The following ADGRB2 variants were observed in gnomAD, a reference collection of about 807,000 sequenced individuals.
The protein encoded by ADGRB2 is brain-specific angiogenesis inhibitor 2.
In ADGRB2, 47 loss-of-function variants were observed where a neutral mutation model predicts 178.7. The observed-to-expected ratio is 0.26, with a 90% confidence interval of 0.21 to 0.34. The LOEUF is 0.34. ADGRB2 is among the 10% of genes least tolerant of loss of function. ADGRB2 has a pLI of 1.00. For missense variants in ADGRB2, 1,584 were observed against 2,180.8 expected (o/e 0.73, Z 5.45); for synonymous variants, 870 against 912.4 (o/e 0.95, Z 0.84).
intron 1 of ADGRB2, among the ~76,000 whole-genome samples, chr1:31,762,968 G>T (rs537894660): frequency 6.6e-6 from 1 of 152,346 alleles, no homozygotes; most frequent in Admixed American, 6.5e-5. Flanking sequence ...ACTTCCCCCG[G>T]CTGTGCCCTC....
At chr1:31,738,961 G>T (rs748183453) in intron 15 of ADGRB2, 24 bp from the exon 16 acceptor site, 27 of 1,571,802 alleles carry the variant, frequency 1.7e-5, no homozygotes, top group Non-Finnish European at 2.3e-5. Flanking sequence ...ACCGAAGTCA[G>T]CTCCTGCCAG....
rs961480079 is a variant in ADGRB2, at chr1:31,743,132, T to C, written c.1088-130A>G. The C allele has an allele frequency of 3.4e-4, 383 of 1,118,700 alleles. 1 individual carries two copies. The highest frequency in any genetic ancestry group is 1.9e-3 in the Middle Eastern group (6 of 3,146). 69.3% of individuals were successfully genotyped at this position (1,118,700 alleles called of 1,614,324 possible). ...GCTCCTCATTGGCTCTGCCCCGGGA[T>C]CTGTTGCCAGGGGGATCTCCCAGGG... On this transcript the variant is annotated intron_variant, in intron 6 of 32. Coordinates refer to ENST00000373658, the MANE Select transcript of ADGRB2 (RefSeq NM_001364857.2).
rs918684780 is a variant in ADGRB2 at position 31,756,379 on chromosome 1, A to C, written c.458T>G (p.Phe153Cys). 1 of 1,613,000 alleles carries C rather than the reference A, an allele frequency of 6.2e-7. No individual in the cohort carries two copies. The highest frequency in any genetic ancestry group is 1.3e-5 in the African/African-American group (1 of 75,062). The stretch of plus-strand genomic sequence containing the variant: ...GCACAGCTGCACGAAGTTCTTGTCG[A>C]AGTGCAGGAAGGTAAAGGGGCCTGA... Reference protein sequence around the residue: ...SGSGPFTFLHFDKNFVQLCLS... With the variant: ...SGSGPFTFLHCDKNFVQLCLS... The change falls in exon 4 of 33, where the codon TTC becomes TGC. Residue 153 changes from phenylalanine (F) to cysteine (C), a missense_variant. Coordinates refer to ENST00000373658, the MANE Select transcript of ADGRB2 (RefSeq NM_001364857.2). This position sits in a 1 kb window ranked among gnomAD's most constrained non-coding sequence, Gnocchi z 8.5.
chr1:31,740,867 T>C lies in ADGRB2; in HGVS notation c.1795-326A>G, dbSNP rs1645905273. 6.8e-6 allele frequency among the ~76,000 whole-genome samples: 1 copy of C among 147,658 alleles called. No homozygotes were observed. The highest frequency in any genetic ancestry group is 2.2e-4 in the South Asian group (1 of 4,506). On this transcript the variant is annotated intron_variant, in intron 11 of 32. Coordinates refer to ENST00000373658, the MANE Select transcript of ADGRB2 (RefSeq NM_001364857.2). This position sits in a 1 kb window ranked among gnomAD's most constrained non-coding sequence, Gnocchi z 5.9. Reference sequence around the variant, plus strand: ...CAAAGGGGTCATGTACATTCTGGAGTGTAATGAGCATGTGTGTGGGCGCGC... The same window carrying C: ...CAAAGGGGTCATGTACATTCTGGAGCGTAATGAGCATGTGTGTGGGCGCGC...
chr1:31,727,839 G>T lies in ADGRB2; in HGVS notation c.4572+186C>A, dbSNP rs1372169453. On this transcript the variant is annotated intron_variant, in intron 32 of 32. Transcript: ENST00000373658. This position sits in a 1 kb window ranked among gnomAD's most constrained non-coding sequence, Gnocchi z 4.4. The stretch of plus-strand genomic sequence containing the variant: ...CTGACCACTCTCCCTCCCAATCCTG[G>T]AGGACCTCCACCCCTGTTCGCCATC... 2.2e-6 allele frequency: 2 copies of T among 915,030 alleles called. No individual in the cohort carries two copies. The highest frequency in any genetic ancestry group is 3.2e-6 in the Non-Finnish European group (2 of 625,852). The allele number at this position is 915,030 out of a possible 1,614,324, so 56.7% of individuals were successfully genotyped here.
In ADGRB2 at chr1:31,754,323, C is replaced by T. The variant is rs769462945; in HGVS notation, c.838+1676G>A. On this transcript the variant is annotated intron_variant, in intron 4 of 32. Coordinates refer to ENST00000373658, the MANE Select transcript of ADGRB2 (RefSeq NM_001364857.2). This position sits in a 1 kb window ranked among gnomAD's most constrained non-coding sequence, Gnocchi z 5.7. ...CGCCCATGAGGGCAGAGCCTTGCTC[C>T]GTCCACTGCAGATCACTGGACCGAT... 5.3e-5 allele frequency among the ~76,000 whole-genome samples: 8 copies of T among 152,246 alleles called. No homozygotes were observed. The highest frequency in any genetic ancestry group is 1.2e-4 in the African/African-American group (5 of 41,482).
At position 31,756,818 on chromosome 1, in the gene ADGRB2, G is replaced by A. The variant is rs1316987840; in HGVS notation, c.22-3C>T. 8.9e-6 allele frequency: 13 copies of A among 1,460,894 alleles called. No homozygotes were observed. The highest frequency in any genetic ancestry group is 1.2e-5 in the Non-Finnish European group (13 of 1,103,536). The allele number at this position is 1,460,894 out of a possible 1,614,324, so 90.5% of individuals were successfully genotyped here. A position where few individuals can be genotyped will look rare whatever the true frequency, so the allele number is the denominator to read the frequency against. ...GGGGTCATCCTATGTCCCTTGCCCTGTGGAGAGAGACAGTGGTCAGCGGGC... is the reference window on the plus strand; with the variant it reads ...GGGGTCATCCTATGTCCCTTGCCCTATGGAGAGAGACAGTGGTCAGCGGGC... On this transcript the variant is annotated splice_region_variant and splice_polypyrimidine_tract_variant and intron_variant, in intron 3 of 32. Coordinates refer to ENST00000373658, the MANE Select transcript of ADGRB2 (RefSeq NM_001364857.2). The surrounding 1 kb of genome is among the most constrained non-coding windows in gnomAD (Gnocchi z 8.5).
chr1:31,759,376 C>G lies in ADGRB2; in HGVS notation c.-190-1865G>C. On this transcript the variant is annotated intron_variant, in intron 1 of 32. Coordinates refer to ENST00000373658, the MANE Select transcript of ADGRB2 (RefSeq NM_001364857.2). The surrounding 1 kb of genome is among the most constrained non-coding windows in gnomAD (Gnocchi z 4.3). ...ATGACAGCTAAGTGTCAGGCAGGATCCTCTGCGGGGTCTTCCTTTGCATGT... is the reference window on the plus strand; with the variant it reads ...ATGACAGCTAAGTGTCAGGCAGGATGCTCTGCGGGGTCTTCCTTTGCATGT... 1 of 779,686 alleles carries G rather than the reference C, an allele frequency of 1.3e-6. No individual in the cohort carries two copies. The highest frequency in any genetic ancestry group is 2.4e-6 in the Non-Finnish European group (1 of 417,938). 48.3% of individuals were successfully genotyped at this position (779,686 alleles called of 1,614,324 possible).
At chr1:31,734,083 G>A (rs1645440705) in intron 25 of ADGRB2, among the ~76,000 whole-genome samples, 1 of 152,174 alleles carries the variant, frequency 6.6e-6, no homozygotes, top group South Asian at 2.1e-4. Context: ...CCTGCCCTAG[G>A]AAGTGCAGTT....
rs189824716 is a variant in ADGRB2 at position 31,755,823 on chromosome 1, C to T, written c.838+176G>A. ...TCATCTAGCCAGTCTGCAAACTCTT[C>T]AAGAGTGAGGTCTCACTGCCATGCA... is the stretch of plus-strand genomic sequence containing the variant. On this transcript the variant is annotated intron_variant, in intron 4 of 32. Coordinates refer to ENST00000373658, the MANE Select transcript of ADGRB2 (RefSeq NM_001364857.2). This position sits in a 1 kb window ranked among gnomAD's most constrained non-coding sequence, Gnocchi z 5.1. Among the ~76,000 whole-genome samples, 216 of 152,192 alleles carry T rather than the reference C, an allele frequency of 1.4e-3. No individual in the cohort carries two copies. The highest frequency in any genetic ancestry group is 5.0e-3 in the African/African-American group (207 of 41,504).
chr1:31,736,324 C>G lies in ADGRB2; in HGVS notation c.3197G>C (p.Ser1066Thr), dbSNP rs764375930. Residue 1066 changes from serine to threonine, a missense_variant, in exon 22 of 33, where the codon AGC becomes ACC. This residue lies in a region of ADGRB2 where 865 missense variants were observed against 1,192.8 expected (regional missense o/e 0.73). Coordinates refer to ENST00000373658, the MANE Select transcript of ADGRB2 (RefSeq NM_001364857.2). The stretch of plus-strand genomic sequence containing the variant: ...CCACCACGGGAGGCCCACGTACTAG[C>G]TGGATGTACCGTATCCTTTCGTTCG... ...FTRTKGYGTS[S>T]YCWLSLEGGL... 14 of 1,614,046 alleles carry G rather than the reference C, an allele frequency of 8.7e-6. No homozygotes were observed. Among genetic ancestry groups the G allele is most frequent in the East Asian group, 2.2e-5 (1 of 44,880 alleles).
rs1646853252 is a variant in ADGRB2 at position 31,756,709 on chromosome 1, A to C, written c.128T>G (p.Leu43Arg). 2 of 1,599,426 alleles carry C rather than the reference A, an allele frequency of 1.3e-6. No individual in the cohort carries two copies. Residue 43 changes from leucine to arginine, a missense_variant, in exon 4 of 33, where the codon CTG becomes CGG. Physicochemically the swap from Leu to Arg is moderately radical, Grantham distance 102. This residue lies in a region of ADGRB2 where 657 missense variants were observed against 847.6 expected (regional missense o/e 0.78). Transcript: ENST00000373658. The surrounding 1 kb of genome is among the most constrained non-coding windows in gnomAD (Gnocchi z 8.5). ...GGCCCCGTAGAGCACACCCGAGGCC[A>C]GGGCAGAGCAGGCACTGGGGGCGGG... ...FDPAPSACSALASGVLYGAFS... is the reference protein window; with the variant it reads ...FDPAPSACSARASGVLYGAFS...
chr1:31,730,769 GAC>G, intron 29 of ADGRB2, 29 bp downstream of exon 29: 2 of 1,468,914 alleles, frequency 1.4e-6, no homozygotes, highest in South Asian at 1.6e-5. Flanking sequence ...CACAGTCTCA[GAC>G]ACACACCCCA....
At position 31,761,334 on chromosome 1, in the gene ADGRB2, C is replaced by T. The variant is rs1157058263; in HGVS notation, c.-191+2550G>A. On this transcript the variant is annotated intron_variant, in intron 1 of 32. Coordinates refer to ENST00000373658, the MANE Select transcript of ADGRB2 (RefSeq NM_001364857.2). This position sits in a 1 kb window ranked among gnomAD's most constrained non-coding sequence, Gnocchi z 4.2. ...TTCAAACTCCTCAGGCCCTCAGGCC[C>T]GGTGGCCCTGCTAACTCTGACCCAA... is the stretch of plus-strand genomic sequence containing the variant. 1.3e-5 allele frequency among the ~76,000 whole-genome samples: 2 copies of T among 152,226 alleles called. No homozygotes were observed. The highest frequency in any genetic ancestry group is 2.9e-5 in the Non-Finnish European group (2 of 68,032).
chr1:31,763,674 C>A (rs1647116094), intron 1 of ADGRB2, among the ~76,000 whole-genome samples: 1 of 151,478 alleles, frequency 6.6e-6, no homozygotes, highest in Non-Finnish European at 1.5e-5. Flanking sequence ...TAGAGATTCA[C>A]CAGCGATTAA....
chr1:31,739,923 T>C lies in ADGRB2; in HGVS notation c.2167+3A>G, dbSNP rs1645843438. Reference sequence around the variant, plus strand: ...ACCCCCACCCTTGCCTGACTCCTTCTACCTAGATTATCTGTGACAATCAGA... The same window carrying C: ...ACCCCCACCCTTGCCTGACTCCTTCCACCTAGATTATCTGTGACAATCAGA... On this transcript the variant is annotated splice_donor_region_variant and intron_variant, in intron 14 of 32. Transcript: ENST00000373658. 6.2e-7 allele frequency: 1 copy of C among 1,613,508 alleles called. No individual in the cohort carries two copies.
chr1:31,734,518 T>G (rs1037349651), intron 25 of ADGRB2, among the ~76,000 whole-genome samples: 6 of 152,214 alleles, frequency 3.9e-5, no homozygotes, highest in African/African-American at 1.2e-4. Flanking sequence ...CCTGCAGGTG[T>G]GCAAGATAAA....
In ADGRB2 at chr1:31,755,080, C is replaced by A. The variant is rs1431939538; in HGVS notation, c.838+919G>T. Among the ~76,000 whole-genome samples, 1 of 152,200 alleles carries A rather than the reference C, an allele frequency of 6.6e-6. No homozygotes were observed. The highest frequency in any genetic ancestry group is 1.5e-5 in the Non-Finnish European group (1 of 68,026). On this transcript the variant is annotated intron_variant, in intron 4 of 32. Transcript: ENST00000373658. This position sits in a 1 kb window ranked among gnomAD's most constrained non-coding sequence, Gnocchi z 5.1. ...CCAGAGAGAGGAGAGGCCTCCCTGT[C>A]GGTACCAGAGCTGCAGACCAGACCC...
In ADGRB2 at chr1:31,759,783, G is replaced by A. The variant is rs952667045; in HGVS notation, c.-190-2272C>T. ...TGTATAGCCAGGCCTGTCCTCCTGG[G>A]GGCACTGATGACCCAGAGGCCTCTC... On this transcript the variant is annotated intron_variant, in intron 1 of 32. Transcript: ENST00000373658. This position sits in a 1 kb window ranked among gnomAD's most constrained non-coding sequence, Gnocchi z 4.3. Among the ~76,000 whole-genome samples the A allele has an allele frequency of 1.5e-4, 23 of 152,130 alleles. No homozygotes were observed. Among genetic ancestry groups the A allele is most frequent in the African/African-American group, 5.6e-4 (23 of 41,414 alleles).
Sources: gnomAD v4.1 joint callset for allele counts (sites outside exome capture counted in the v4.1 genomes callset) on GRCh38, gnomAD v4.1.1 for gene constraint, gnomAD v4.1.1 regional missense constraint, Gnocchi (gnomAD v3.1) non-coding constraint, MANE v1.5 for transcripts, NCBI Gene and HGNC (gene_info 2026-07-23, HGNC 2026-07-21) for gene names.